Variants in CBLIF observed in about 807,000 individuals in gnomAD.
The protein encoded by CBLIF is cobalamin binding intrinsic factor.
A neutral mutation model predicts 44.9 loss-of-function variants in CBLIF; 24 were observed. The observed-to-expected ratio is 0.53, with a 90% confidence interval of 0.39 to 0.75. CBLIF has a LOEUF of 0.75. CBLIF is among the 30% of genes least tolerant of loss of function. The pLI is 0.00. For missense variants in CBLIF, 481 were observed against 513.0 expected, an observed-to-expected ratio of 0.94 and a Z score of 0.60; for synonymous variants, 183 against 190.9, an observed-to-expected ratio of 0.96 and a Z score of 0.34.
At position 59,829,564 on chromosome 11, in the gene CBLIF, T is replaced by A. The variant is rs1270080821; in HGVS notation, c.1193-19A>T. On this transcript the variant is annotated intron_variant, in intron 8 of 8. Transcript: ENST00000257248. ...GCAACCCCTGGAAATAAGCAGAGAATAACATGAGGTGACTGTGGTGCATGT... is the reference window on the plus strand; with the variant it reads ...GCAACCCCTGGAAATAAGCAGAGAAAAACATGAGGTGACTGTGGTGCATGT... 13 of 1,544,598 alleles carry A rather than the reference T, an allele frequency of 8.4e-6. No homozygotes were observed. The highest frequency in any genetic ancestry group is 1.7e-5 in the Admixed American group (1 of 59,928).
chr11:59,837,462 C>G, intron 5 of CBLIF, 111 bp from the exon 6 acceptor site: 1 of 827,792 alleles, frequency 1.2e-6, no homozygotes, highest in Admixed American at 2.0e-5. Flanking sequence ...ATCACGTAGT[C>G]ACCCAGAATG....
At chr11:59,839,746 A>G (rs902952883) in intron 5 of CBLIF, among the ~76,000 whole-genome samples, 1 of 152,168 alleles carries the variant, frequency 6.6e-6, no homozygotes, top group Admixed American at 6.5e-5. Flanking sequence ...TTTTGATAGG[A>G]AAAGCTCTAA....
intron 6 of CBLIF, among the ~76,000 whole-genome samples, chr11:59,836,550 T>C (rs1475800122): frequency 1.3e-5 from 2 of 152,208 alleles, no homozygotes. Flanking sequence ...ATATTTTTAA[T>C]TAAAAAGTGG....
At position 59,845,495 on chromosome 11, in the gene CBLIF, T is replaced by TA. The variant is rs1866594256; in HGVS notation, c.-43_-42insT. The TA allele has an allele frequency of 8.0e-7, 1 of 1,245,598 alleles. No individual in the cohort carries two copies. The highest frequency in any genetic ancestry group is 1.2e-6 in the Non-Finnish European group (1 of 844,878). The allele number at this position is 1,245,598 out of a possible 1,614,324, so 77.2% of individuals were successfully genotyped here. A position where few individuals can be genotyped will look rare whatever the true frequency, so the allele number is the denominator to read the frequency against. ...TGTCTCTCATCCACAGGTACCGCGA[T>TA]TTGCAAGTGGAATATTTCTTTACCT... On this transcript the variant is annotated 5_prime_UTR_variant, in exon 1 of 9. Coordinates refer to ENST00000257248, the MANE Select transcript of CBLIF (RefSeq NM_005142.3).
intron 1 of CBLIF, 127 bp from the exon 2 acceptor site, chr11:59,844,182 G>C (rs1262357209): frequency 2.6e-6 from 2 of 783,722 alleles, no homozygotes; most frequent in African/African-American, 3.4e-5. Flanking sequence ...TTGTTGCCCA[G>C]GCTAGAGTGC....
intron 7 of CBLIF, among the ~76,000 whole-genome samples, chr11:59,834,033 G>T (rs570518724): frequency 5.3e-5 from 8 of 151,988 alleles, no homozygotes; most frequent in Non-Finnish European, 8.8e-5. Flanking sequence ...TGGGCCTAAG[G>T]GTTCTATCTG....
At chr11:59,839,066 C>G (rs143215641) in intron 5 of CBLIF, among the ~76,000 whole-genome samples, 1 of 152,200 alleles carries the variant, frequency 6.6e-6, no homozygotes, top group East Asian at 1.9e-4. Flanking sequence ...CCAGGCTGGT[C>G]TTGAACTCCT....
intron 7 of CBLIF, among the ~76,000 whole-genome samples, chr11:59,835,362 G>T (rs1397567558): frequency 2.0e-5 from 3 of 151,924 alleles, no homozygotes; most frequent in Non-Finnish European, 4.4e-5. Flanking sequence ...TGAAACTCCT[G>T]AGCTAAGATG....
At chr11:59,837,112 T>G (rs1335248672) in intron 6 of CBLIF, 62 bp downstream of exon 6, 5 of 1,266,370 alleles carry the variant, frequency 3.9e-6, no homozygotes, top group Non-Finnish European at 5.8e-6. Flanking sequence ...TTAACATTGA[T>G]CCACATGTCA....
chr11:59,841,229 G>C lies in CBLIF; in HGVS notation c.607C>G (p.Leu203Val). ...CTGATTTTCTCCACAATATCCTTTA[G>C]TACCTGACCAAACAGGGATCTGTAA... is the stretch of plus-strand genomic sequence containing the variant. The part of the protein sequence containing the change: ...EGYRSLFGQV[L>V]KDIVEKISMK... The change falls in exon 5 of 9, where the codon CTA (leucine) becomes GTA (valine). Residue 203 changes from leucine (L) to valine (V), a missense_variant. Leu to Val is a conservative substitution (Grantham distance 32, BLOSUM62 1). Coordinates refer to ENST00000257248, the MANE Select transcript of CBLIF (RefSeq NM_005142.3). 1 of 1,612,508 alleles carries C rather than the reference G, an allele frequency of 6.2e-7. No homozygotes were observed. The highest frequency in any genetic ancestry group is 8.5e-7 in the Non-Finnish European group (1 of 1,178,534).
In CBLIF at chr11:59,841,222, T is replaced by G; in HGVS notation, c.614A>C (p.Asp205Ala). The G allele has an allele frequency of 6.2e-7, 1 of 1,612,974 alleles. No homozygotes were observed. Among genetic ancestry groups the G allele is most frequent in the Admixed American group, 1.7e-5 (1 of 60,010 alleles). The change falls in exon 5 of 9, where the codon GAT (aspartate) becomes GCT (alanine). Residue 205 changes from aspartate to alanine, a missense_variant. Transcript: ENST00000257248. Reference sequence around the variant, plus strand: ...CTTCATGCTGATTTTCTCCACAATATCCTTTAGTACCTGACCAAACAGGGA... The same window carrying G: ...CTTCATGCTGATTTTCTCCACAATAGCCTTTAGTACCTGACCAAACAGGGA... ...YRSLFGQVLKDIVEKISMKIK... is the reference protein window; with the variant it reads ...YRSLFGQVLKAIVEKISMKIK...
intron 4 of CBLIF, 26 bp from the exon 5 acceptor site, chr11:59,841,350 C>T: frequency 6.8e-7 from 1 of 1,468,604 alleles, no homozygotes; most frequent in Non-Finnish European, 9.5e-7. Flanking sequence ...GGTATAAGAT[C>T]ACCATAGTCA....
At position 59,842,587 on chromosome 11, in the gene CBLIF, C is replaced by T. The variant is rs571705827; in HGVS notation, c.371-4G>A. 3 of 1,613,570 alleles carry T rather than the reference C, an allele frequency of 1.9e-6. No homozygotes were observed. The highest frequency in any genetic ancestry group is 2.2e-5 in the East Asian group (1 of 44,860). On this transcript the variant is annotated splice_polypyrimidine_tract_variant and splice_region_variant and intron_variant, in intron 3 of 8. Transcript: ENST00000257248. The stretch of plus-strand genomic sequence containing the variant: ...GCTGATGCTTCAGCGTTGGGGCCTC[C>T]GAAGGGGATAGAGAACCTTCATCAG...
chr11:59,832,196 C>A (rs758938180), intron 7 of CBLIF, among the ~76,000 whole-genome samples: 9 of 152,036 alleles, frequency 5.9e-5, no homozygotes, highest in Non-Finnish European at 8.8e-5. Flanking sequence ...TGGATGGAGG[C>A]CATTATCCTT....
In CBLIF at chr11:59,829,436, T is replaced by G. The variant is rs1866338097; in HGVS notation, c.*48A>C. ...GATTTAAAATGAAGTGGAAAAAATT[T>G]CACCCATCCTTTGGAGATGTTTGAT... On this transcript the variant is annotated 3_prime_UTR_variant, in exon 9 of 9. Transcript: ENST00000257248. 1.7e-6 allele frequency: 2 copies of G among 1,198,596 alleles called. No individual in the cohort carries two copies. Among genetic ancestry groups the G allele is most frequent in the South Asian group, 2.4e-5 (2 of 82,848 alleles). The allele number at this position is 1,198,596 out of a possible 1,614,324, so 74.2% of individuals were successfully genotyped here. A position where few individuals can be genotyped will look rare whatever the true frequency, so the allele number is the denominator to read the frequency against.
intron 2 of CBLIF, among the ~76,000 whole-genome samples, chr11:59,843,373 C>T (rs777605059): frequency 1.7e-4 from 26 of 152,102 alleles, no homozygotes; most frequent in East Asian, 3.9e-4. Flanking sequence ...ATTTGAGAAT[C>T]CCTGGTATTT....
chr11:59,834,307 TCTTTCTTCCTTC>T (rs1185837631), intron 7 of CBLIF, among the ~76,000 whole-genome samples: 20 of 47,010 alleles, frequency 4.3e-4, no homozygotes, highest in African/African-American at 1.5e-3. Flanking sequence ...TTTCTTTCTT[TCTTTCTTCCTTC>T]CTTCCTTCCT....
Position 59,837,308 on chromosome 11 carries a change from C to A in CBLIF, c.737G>T (p.Cys246Phe). 2 of 1,613,342 alleles carry A rather than the reference C, an allele frequency of 1.2e-6. No homozygotes were observed. Among genetic ancestry groups the A allele is most frequent in the Non-Finnish European group, 1.7e-6 (2 of 1,179,314 alleles). Residue 246 changes from cysteine to phenylalanine, a missense_variant, in exon 6 of 9, where the codon TGC becomes TTC. Transcript: ENST00000257248. ...GAGTATCATATCCGTAGTCTTCTTG[C>A]AGTTCCATTCCTTTTTAGATGGCTC... ...TPEPSKKEWN[C>F]KKTTDMILNE...
chr11:59,843,654 A>G (rs552453005), intron 2 of CBLIF, among the ~76,000 whole-genome samples: 1 of 152,238 alleles, frequency 6.6e-6, no homozygotes, highest in Admixed American at 6.5e-5. Flanking sequence ...TGCTCTTTCG[A>G]CGTCTAGTCC....
Sources: gnomAD v4.1 joint callset for allele counts (sites outside exome capture counted in the v4.1 genomes callset) on GRCh38, gnomAD v4.1.1 for gene constraint, MANE v1.5 for transcripts, NCBI Gene and HGNC (gene_info 2026-07-23, HGNC 2026-07-21) for gene names.